The following NSUN4 variants were observed in gnomAD, a reference collection of about 807,000 sequenced individuals.
NSUN4 encodes NOP2/Sun RNA methyltransferase 4.
A neutral mutation model predicts 43.8 loss-of-function variants in NSUN4; 31 were observed. That is an observed-to-expected ratio of 0.71 (90% CI 0.53 to 0.96). NSUN4 has a LOEUF of 0.96. Among genes scored for constraint, NSUN4 ranks in the 40% least tolerant of loss-of-function variants. The pLI, the probability that NSUN4 is intolerant of heterozygous loss-of-function variation, is 0.00. For synonymous variants in NSUN4, 167 were observed against 184.1 expected (o/e 0.91, Z 0.75); for missense variants, 439 against 475.6 (o/e 0.92, Z 0.72).
At chr1:46,383,318 G>A in the NSUN4 span, among the ~76,000 whole-genome samples, 9 of 142,958 alleles carry the variant, frequency 6.3e-5, no homozygotes, top group East Asian at 9.6e-4. Context: ...CCCATGCTGG[G>A]GAGAGGTGGG....
chr1:46,345,216 T>TACC (rs1333937351), intron 2 of NSUN4, 72 bp downstream of exon 2: 1 of 1,135,592 alleles, frequency 8.8e-7, no homozygotes, highest in African/African-American at 1.5e-5. Context: ...ACCCAGCTTC[T>TACC]ACCCTCTGTA....
In NSUN4 at chr1:46,345,123, T is replaced by G; in HGVS notation, c.416T>G (p.Ile139Ser). The G allele has an allele frequency of 6.2e-7, 1 of 1,608,930 alleles. No homozygotes were observed. The highest frequency in any genetic ancestry group is 8.5e-7 in the Non-Finnish European group (1 of 1,177,440). Residue 139 changes from isoleucine (I) to serine (S), a missense_variant, in exon 2 of 6, where the codon ATC (isoleucine) becomes AGC (serine). Transcript: ENST00000474844. ...LRCFTFDRGD[I>S]SRFPPARPGS... ...TGCTTCACTTTTGACAGAGGGGATA[T>G]CAGTCGCTTCCCTCCTGCCAGGTAG...
chr1:46,376,109 AAAAAAAAAAAAAAAG>A, the NSUN4 span, among the ~76,000 whole-genome samples: 1 of 146,158 alleles, frequency 6.8e-6, no homozygotes, highest in African/African-American at 2.5e-5. Context: ...AAAAAAAAAA[AAAAAAAAAAAAAAAG>A]AGGCCAGGTG....
chr1:46,359,509 A>G (rs964898721), intron 4 of NSUN4, among the ~76,000 whole-genome samples: 12 of 149,470 alleles, frequency 8.0e-5, no homozygotes, highest in African/African-American at 3.0e-4. Context: ...CCTCCTGAGT[A>G]GTAGCTGGGA....
downstream of NSUN4, among the ~76,000 whole-genome samples, chr1:46,367,687 T>C (rs1228011159): frequency 6.6e-6 from 1 of 152,134 alleles, no homozygotes; most frequent in East Asian, 1.9e-4. Context: ...TGATATACTC[T>C]TTTTAGTCCC....
chr1:46,378,081 T>C, the NSUN4 span, among the ~76,000 whole-genome samples: 3 of 152,206 alleles, frequency 2.0e-5, no homozygotes, highest in Non-Finnish European at 4.4e-5. Context: ...TTTTTTTAAA[T>C]AGAGACAGGG....
chr1:46,348,771 G>T (rs1390598911), intron 3 of NSUN4, among the ~76,000 whole-genome samples: 2 of 120,404 alleles, frequency 1.7e-5, no homozygotes, highest in Admixed American at 9.0e-5. Flanking sequence ...CATCTTATTT[G>T]TCTCAGTAAA....
At chr1:46,369,636 T>A (rs765710061), downstream of NSUN4, among the ~76,000 whole-genome samples, 1 of 151,950 alleles carries the variant, frequency 6.6e-6, no homozygotes, top group Non-Finnish European at 1.5e-5. Flanking sequence ...CAGAGGAGGA[T>A]GTTGGGAGTG....
chr1:46,361,448 G>A (rs999903023), intron 5 of NSUN4, 122 bp from the exon 6 acceptor site: 11 of 837,578 alleles, frequency 1.3e-5, no homozygotes, highest in Non-Finnish European at 2.0e-5. Flanking sequence ...GACTTGAGAG[G>A]CAGTCTAACC....
intron 4 of NSUN4, among the ~76,000 whole-genome samples, chr1:46,358,087 G>T (rs933778493): frequency 2.0e-5 from 3 of 151,554 alleles, no homozygotes; most frequent in Non-Finnish European, 4.4e-5. Flanking sequence ...GCTAATTTTT[G>T]TATTTATTTA....
In NSUN4 at chr1:46,352,778, C is replaced by T; in HGVS notation, c.593-90C>T. 4 of 1,261,402 alleles carry T rather than the reference C, an allele frequency of 3.2e-6. No homozygotes were observed. In the East Asian group the frequency reaches 9.3e-5, roughly 29 times the overall value. 78.1% of individuals were successfully genotyped at this position (1,261,402 alleles called of 1,614,324 possible). A position where few individuals can be genotyped will look rare whatever the true frequency, so the allele number is the denominator to read the frequency against. On this transcript the variant is annotated intron_variant, in intron 3 of 5. Transcript: ENST00000474844. Reference sequence around the variant, plus strand: ...ATGCTGGGGTTTGCATTGGCTGGGACTACCTGAGAATTGGTCTGACTCCAT... The same window carrying T: ...ATGCTGGGGTTTGCATTGGCTGGGATTACCTGAGAATTGGTCTGACTCCAT...
rs34719174 is a variant in NSUN4 at position 46,358,398 on chromosome 1, A to ATTTTTTTTTTTTTTTTTTTTTTT, written c.754-2284_754-2283insTTTTTTTTTTTTTTTTTTTTTTT. 2.1e-5 allele frequency among the ~76,000 whole-genome samples: 2 copies of ATTTTTTTTTTTTTTTTTTTTTTT among 95,456 alleles called. 1 individual carries two copies. The highest frequency in any genetic ancestry group is 4.0e-5 in the Non-Finnish European group (2 of 50,374). The allele number at this position is 95,456 out of a possible 152,430, so 62.6% of individuals were successfully genotyped here. On this transcript the variant is annotated intron_variant, in intron 4 of 5. Coordinates refer to ENST00000474844, the MANE Select transcript of NSUN4 (RefSeq NM_199044.4). ...GGCATGAGCTACTGCTCCTGGCCTA[A>ATTTTTTTTTTTTTTTTTTTTTTT]TTTTTTTTTTTTTTTTTTTTTTGAG... is the stretch of plus-strand genomic sequence containing the variant.
At chr1:46,343,725 C>T (rs975793198) in intron 1 of NSUN4, 5 of 400,390 alleles carry the variant, frequency 1.2e-5, no homozygotes, top group African/African-American at 8.2e-5. Context: ...GAGTGAGAGT[C>T]CCCAACTTAG....
intron 2 of NSUN4, among the ~76,000 whole-genome samples, chr1:46,346,509 G>GCCA (rs1270629333): frequency 7.3e-6 from 1 of 136,810 alleles, no homozygotes; most frequent in African/African-American, 2.8e-5. Context: ...CCAAGATTGC[G>GCCA]CCACCGCACT....
rs907785344 is a variant in NSUN4 at position 46,346,950 on chromosome 1, A to G, written c.467A>G (p.Tyr156Cys). 1.9e-6 allele frequency: 3 copies of G among 1,613,936 alleles called. No homozygotes were observed. The highest frequency in any genetic ancestry group is 1.7e-5 in the Admixed American group (1 of 59,988). ...RPGSLGVMEY[Y>C]LMDAASLLPV... Reference sequence around the variant, plus strand: ...GGCAGCCTGGGTGTCATGGAGTACTACCTGATGGATGCTGCCTCCTTGCTG... The same window carrying G: ...GGCAGCCTGGGTGTCATGGAGTACTGCCTGATGGATGCTGCCTCCTTGCTG... The change falls in exon 3 of 6, where the codon TAC becomes TGC. Residue 156 changes from tyrosine to cysteine, a missense_variant. Coordinates refer to ENST00000474844, the MANE Select transcript of NSUN4 (RefSeq NM_199044.4).
the NSUN4 span, among the ~76,000 whole-genome samples, chr1:46,374,963 T>G: frequency 6.6e-6 from 1 of 152,214 alleles, no homozygotes. Flanking sequence ...ATGCATATGT[T>G]ATTACCTCAA....
chr1:46,362,035 A>G lies in NSUN4; in HGVS notation c.*189A>G. Reference sequence around the variant, plus strand: ...TGCTGTCCAATTGTGGAGCATCAGCAGGTTTCCAACTCACTCATTAACCCC... The same window carrying G: ...TGCTGTCCAATTGTGGAGCATCAGCGGGTTTCCAACTCACTCATTAACCCC... On this transcript the variant is annotated 3_prime_UTR_variant, in exon 6 of 6. Transcript: ENST00000474844. The G allele has an allele frequency of 1.6e-6, 1 of 624,002 alleles. No individual in the cohort carries two copies. The allele number at this position is 624,002 out of a possible 1,614,324, so 38.7% of individuals were successfully genotyped here. A position where few individuals can be genotyped will look rare whatever the true frequency, so the allele number is the denominator to read the frequency against.
At chr1:46,384,859 G>T in the NSUN4 span, among the ~76,000 whole-genome samples, 2 of 152,146 alleles carry the variant, frequency 1.3e-5, no homozygotes, top group Non-Finnish European at 2.9e-5. Context: ...GGCTGATGCT[G>T]ATGTCCTGGC....
chr1:46,345,676 T>C (rs1662437763), intron 2 of NSUN4, among the ~76,000 whole-genome samples: 1 of 152,154 alleles, frequency 6.6e-6, no homozygotes, highest in Non-Finnish European at 1.5e-5. Flanking sequence ...GGGCACAAAC[T>C]TGGTATTAGA....
Sources: allele counts gnomAD v4.1 joint callset (sites outside exome capture counted in the v4.1 genomes callset), GRCh38; gene constraint gnomAD v4.1.1; transcripts MANE v1.5; gene names NCBI Gene and HGNC (gene_info 2026-07-23, HGNC 2026-07-21).